Variants in PVT1 observed in about 807,000 individuals in gnomAD.
PVT1 encodes CXCR4/PVT1 fusion.
At chr8:127,954,556 G>C (rs775713571) in intron 3 of PVT1, among the ~76,000 whole-genome samples, 1 of 152,108 alleles carries the variant, frequency 6.6e-6, no homozygotes, top group Non-Finnish European at 1.5e-5. Context: ...GCCTCCCAAC[G>C]TGCTGGGATT....
chr8:127,910,345 G>C lies in PVT1; in HGVS notation n.782+19347G>C, dbSNP rs564779047. On this transcript the variant is annotated intron_variant and non_coding_transcript_variant, in intron 3 of 10. Transcript: ENST00000651587. ...GTTCCATAATAAATTTATTAGCTTT[G>C]GAATCTGACTCTATTGCCTTGGCTT... Among the ~76,000 whole-genome samples, 4 of 152,284 alleles carry C rather than the reference G, an allele frequency of 2.6e-5. No individual in the cohort carries two copies. The South Asian group carries it at 8.3e-4, about 32-fold the overall frequency.
chr8:127,952,049 C>T (rs986540815), intron 3 of PVT1, among the ~76,000 whole-genome samples: 2 of 152,136 alleles, frequency 1.3e-5, no homozygotes, highest in African/African-American at 4.8e-5. Flanking sequence ...CTCCTGACCT[C>T]GTGATCTGCC....
intron 2 of PVT1, among the ~76,000 whole-genome samples, chr8:127,809,255 C>G (rs1814565365): frequency 6.6e-6 from 1 of 152,002 alleles, no homozygotes; most frequent in South Asian, 2.1e-4. Context: ...TGCAGTGAGC[C>G]ATAGTGGCTC....
chr8:127,883,808 C>T (rs1448385728), intron 2 of PVT1, among the ~76,000 whole-genome samples: 1 of 152,064 alleles, frequency 6.6e-6, no homozygotes, highest in Non-Finnish European at 1.5e-5. Flanking sequence ...TGTCACTGGG[C>T]CAGAGCATGC....
chr8:128,074,519 T>TAA (rs35127174), intron 5 of PVT1, among the ~76,000 whole-genome samples: 145 of 122,842 alleles, frequency 1.2e-3, no homozygotes, highest in African/African-American at 3.9e-3. Flanking sequence ...TGAGACTGTC[T>TAA]AAAAAAAAAA....
intron 2 of PVT1, among the ~76,000 whole-genome samples, chr8:127,861,565 T>G (rs895583611): frequency 6.6e-6 from 1 of 152,200 alleles, no homozygotes; most frequent in African/African-American, 2.4e-5. Context: ...GACATGTTTT[T>G]TTTTTTAACT....
At chr8:127,930,888 C>G (rs1023898338) in intron 3 of PVT1, among the ~76,000 whole-genome samples, 8 of 152,114 alleles carry the variant, frequency 5.3e-5, no homozygotes, top group Non-Finnish European at 1.0e-4. Context: ...TCCTATATCT[C>G]CAGCAAGATA....
At chr8:128,093,844 G>T (rs1274983289) in intron 5 of PVT1, among the ~76,000 whole-genome samples, 2 of 152,094 alleles carry the variant, frequency 1.3e-5, no homozygotes, top group East Asian at 3.9e-4. Context: ...CACCATATTG[G>T]CCAGGGTGGT....
chr8:127,882,205 G>A (rs1472521173), intron 2 of PVT1, among the ~76,000 whole-genome samples: 1 of 152,146 alleles, frequency 6.6e-6, no homozygotes, highest in Admixed American at 6.5e-5. Context: ...ACGGGAGCAG[G>A]CACTCGAAGG....
intron 3 of PVT1, among the ~76,000 whole-genome samples, chr8:127,893,517 G>A (rs28473112): frequency 0.032 from 4,947 of 152,224 alleles, 287 homozygotes; most frequent in African/African-American, 0.11. Context: ...AAAGAGCTGC[G>A]ATTACAAGCG....
chr8:128,074,151 C>A (rs191238806), intron 5 of PVT1, among the ~76,000 whole-genome samples: 1 of 151,998 alleles, frequency 6.6e-6, no homozygotes, highest in African/African-American at 2.4e-5. Flanking sequence ...TTACAAGAGA[C>A]CAGAAGACAC....
intron 2 of PVT1, among the ~76,000 whole-genome samples, chr8:127,845,902 C>T (rs13257071): frequency 0.038 from 5,831 of 152,292 alleles, 155 homozygotes; most frequent in Middle Eastern, 0.061. Context: ...CAAAACTCGG[C>T]GGAAAGGTCA....
intron 2 of PVT1, among the ~76,000 whole-genome samples, chr8:127,860,533 G>C (rs2129750261): frequency 6.6e-6 from 1 of 152,208 alleles, no homozygotes; most frequent in Middle Eastern, 3.4e-3. Context: ...GGGAGGCCAA[G>C]GTGGGCGGAT....
chr8:127,981,823 T>C (rs914925044), intron 3 of PVT1, among the ~76,000 whole-genome samples: 7 of 152,200 alleles, frequency 4.6e-5, no homozygotes, highest in Admixed American at 1.3e-4. Flanking sequence ...TCCAAAGCAT[T>C]TCCTCACATA....
At chr8:128,098,132 C>T (rs576304064) in intron 6 of PVT1, among the ~76,000 whole-genome samples, 15 of 152,172 alleles carry the variant, frequency 9.9e-5, no homozygotes, top group Non-Finnish European at 2.1e-4. Context: ...TCCCCCCGCC[C>T]CACCATGTCC....
chr8:128,039,257 C>T lies in PVT1; in HGVS notation n.913-30903C>T, dbSNP rs1813503721. ...TTGCCTCGCCTCCCTTCCCCCTTTC[C>T]TCCCTCCTCCCACCTTTCCTTACCT... On this transcript the variant is annotated intron_variant and non_coding_transcript_variant, in intron 4 of 10. Coordinates refer to ENST00000651587, the Ensembl canonical transcript of PVT1. Among the ~76,000 whole-genome samples, 4 of 151,794 alleles carry T rather than the reference C, an allele frequency of 2.6e-5. No individual in the cohort carries two copies. In the South Asian group the frequency reaches 8.3e-4, roughly 32 times the overall value.
chr8:127,905,024 G>A (rs1378743330), intron 3 of PVT1, among the ~76,000 whole-genome samples: 2 of 152,224 alleles, frequency 1.3e-5, no homozygotes, highest in Admixed American at 6.5e-5. Context: ...TGTTTTGTGT[G>A]TCTGCAGAGC....
chr8:128,085,229 C>T (rs1035406633), intron 5 of PVT1, among the ~76,000 whole-genome samples: 19 of 152,056 alleles, frequency 1.2e-4, no homozygotes, highest in African/African-American at 4.6e-4. Context: ...TCCTGAGAGC[C>T]GCCATCTTGG....
intron 3 of PVT1, among the ~76,000 whole-genome samples, chr8:127,952,152 A>C (rs1816512909): frequency 6.6e-6 from 1 of 152,168 alleles, no homozygotes; most frequent in South Asian, 2.1e-4. Context: ...TAGGAAATTT[A>C]TTTTTAAAAA....
Sources: allele counts gnomAD v4.1 joint callset (sites outside exome capture counted in the v4.1 genomes callset), GRCh38; gene constraint gnomAD v4.1.1; transcripts MANE v1.5; gene names NCBI Gene and HGNC (gene_info 2026-07-23, HGNC 2026-07-21).